GTF3C1: variants seen among roughly 807,000 people sequenced by gnomAD.
GTF3C1 encodes the protein general transcription factor IIIC subunit 1.
GTF3C1 carries 57 observed loss-of-function variants against 226.7 expected under a neutral mutation model. That is an observed-to-expected ratio of 0.25 (90% CI 0.20 to 0.31). The LOEUF is 0.31. GTF3C1 is among the 10% of genes least tolerant of loss of function. GTF3C1 has a pLI of 1.00. For missense variants in GTF3C1, 2,217 were observed against 2,776.1 expected (o/e 0.80, Z 4.53); for synonymous variants, 1,090 against 1,084.8 (o/e 1.00, Z -0.09).
In GTF3C1 at chr16:27,546,486, G is replaced by GAA. The variant is rs11406778; in HGVS notation, c.222-965_222-964dup. Among the ~76,000 whole-genome samples the GAA allele has an allele frequency of 8.3e-3, 930 of 111,856 alleles. 5 individuals are homozygous for GAA. The highest frequency in any genetic ancestry group is 9.0e-3 in the Non-Finnish European group (513 of 57,248). The allele number at this position is 111,856 out of a possible 152,430, so 73.4% of individuals were successfully genotyped here. ...AAGCTTGTCAAGTTTTTTTTTTTTT[G>GAA]AAAAAAAAAAAAAATACATACATAT... On this transcript the variant is annotated intron_variant, in intron 1 of 36. Coordinates refer to ENST00000356183, the MANE Select transcript of GTF3C1 (RefSeq NM_001520.4).
rs1232616911 is a variant in GTF3C1 at position 27,493,265 on chromosome 16, G to A, written c.2810C>T (p.Pro937Leu). 5 of 1,610,474 alleles carry A rather than the reference G, an allele frequency of 3.1e-6. No individual in the cohort carries two copies. The highest frequency in any genetic ancestry group is 1.3e-5 in the African/African-American group (1 of 74,968). ...VDNLEEFLND[P>L]LKKHTLIRFL... ...GCGGATCAGCGTGTGCTTCTTCAGC[G>A]GGTCGTTCAGAAATTCCTCCAGGTT... is the stretch of plus-strand genomic sequence containing the variant. The change falls in exon 17 of 37, where the codon CCG (proline) becomes CTG (leucine). Residue 937 changes from proline to leucine, a missense_variant. Transcript: ENST00000356183.
chr16:27,541,545 A>G (rs1339016879), intron 2 of GTF3C1, among the ~76,000 whole-genome samples: 2 of 152,226 alleles, frequency 1.3e-5, no homozygotes, highest in Non-Finnish European at 2.9e-5. Context: ...AAACAGTGAC[A>G]TAAACAAACA....
intron 26 of GTF3C1, 93 bp from the exon 27 acceptor site, chr16:27,481,284 C>G (rs2088042530): frequency 9.4e-7 from 1 of 1,062,774 alleles, no homozygotes; most frequent in Non-Finnish European, 1.4e-6. Flanking sequence ...TAACAAACTC[C>G]TGCACCAGCT....
At chr16:27,519,228 G>A (rs2088708317) in intron 6 of GTF3C1, among the ~76,000 whole-genome samples, 1 of 152,182 alleles carries the variant, frequency 6.6e-6, no homozygotes, top group South Asian at 2.1e-4. Flanking sequence ...GGAAAAGAAG[G>A]GGCCTACTGG....
intron 33 of GTF3C1, 101 bp from the exon 34 acceptor site, chr16:27,464,937 G>T: frequency 2.9e-6 from 3 of 1,034,284 alleles, no homozygotes; most frequent in Non-Finnish European, 4.1e-6. Context: ...GGCGGGTTGA[G>T]TGCCCTGAGC....
chr16:27,501,123 A>C, intron 12 of GTF3C1, 68 bp downstream of exon 12: 1 of 1,311,300 alleles, frequency 7.6e-7, no homozygotes, highest in Non-Finnish European at 1.1e-6. Context: ...AGCAATGACA[A>C]GAGAAGCTAG....
At chr16:27,515,196 G>A (rs1231463583) in intron 6 of GTF3C1, among the ~76,000 whole-genome samples, 4 of 152,170 alleles carry the variant, frequency 2.6e-5, no homozygotes, top group Non-Finnish European at 4.4e-5. Context: ...TGTAATCCCA[G>A]CACTTTGGGA....
chr16:27,537,997 G>T, intron 3 of GTF3C1, 70 bp from the exon 4 acceptor site: 1 of 1,509,928 alleles, frequency 6.6e-7, no homozygotes, highest in Non-Finnish European at 9.0e-7. Context: ...TCTCTCACTT[G>T]GACATAAACA....
At chr16:27,499,766 C>A (rs1354373014) in intron 12 of GTF3C1, among the ~76,000 whole-genome samples, 1 of 152,230 alleles carries the variant, frequency 6.6e-6, no homozygotes, top group African/African-American at 2.4e-5. Flanking sequence ...CATTGCCCCA[C>A]TTTCCGGGCA....
intron 6 of GTF3C1, among the ~76,000 whole-genome samples, chr16:27,521,497 A>G (rs1336517921): frequency 6.6e-6 from 1 of 152,246 alleles, no homozygotes; most frequent in Non-Finnish European, 1.5e-5. Flanking sequence ...TGCTGTCTGC[A>G]GGACTGAGTG....
intron 24 of GTF3C1, among the ~76,000 whole-genome samples, chr16:27,485,107 G>A (rs1226038724): frequency 1.3e-5 from 2 of 152,250 alleles, no homozygotes; most frequent in African/African-American, 4.8e-5. Flanking sequence ...TTGGAAAAGA[G>A]GTTGGGATGG....
rs532993355 is a variant in GTF3C1 at position 27,548,263 on chromosome 16, G to A, written c.221+1407C>T. ...AAATCCAACCTTTAAGTTTTGTCTC[G>A]AACATTATTTTATTTTATTTTTGAG... is the stretch of plus-strand genomic sequence containing the variant. On this transcript the variant is annotated intron_variant, in intron 1 of 36. Coordinates refer to ENST00000356183, the MANE Select transcript of GTF3C1 (RefSeq NM_001520.4). Among the ~76,000 whole-genome samples, 4 of 151,798 alleles carry A rather than the reference G, an allele frequency of 2.6e-5. No homozygotes were observed. In the East Asian group the frequency reaches 7.8e-4, roughly 29 times the overall value.
In GTF3C1 at chr16:27,463,481, T is replaced by G. The variant is rs753218568; in HGVS notation, c.5924+60A>C. ...CCTCAAAGACCCTCACACAAATCCT[T>G]ACACTCGGTCCCTGTCAAGAGCCCC... On this transcript the variant is annotated intron_variant, in intron 35 of 36. Coordinates refer to ENST00000356183, the MANE Select transcript of GTF3C1 (RefSeq NM_001520.4). The surrounding 1 kb of genome is among the most constrained non-coding windows in gnomAD (Gnocchi z 4.9). 19 of 935,058 alleles carry G rather than the reference T, an allele frequency of 2.0e-5. No individual in the cohort carries two copies. The highest frequency in any genetic ancestry group is 3.3e-5 in the African/African-American group (2 of 61,116). The allele number at this position is 935,058 out of a possible 1,614,324, so 57.9% of individuals were successfully genotyped here. A position where few individuals can be genotyped will look rare whatever the true frequency, so the allele number is the denominator to read the frequency against.
chr16:27,493,280 T>C lies in GTF3C1; in HGVS notation c.2795A>G (p.Glu932Gly). Residue 932 changes from glutamate to glycine, a missense_variant, in exon 17 of 37, where the codon GAA becomes GGA. Glu to Gly is a moderately conservative substitution (Grantham distance 98). Around this residue, in one of 12 missense-constraint regions of GTF3C1, gnomAD observed 353 missense variants for 411.7 expected, o/e 0.86. Transcript: ENST00000356183. ...QVSYKVDNLE[E>G]FLNDPLKKHT... is the part of the protein sequence containing the mutation. ...CTTCTTCAGCGGGTCGTTCAGAAATTCCTCCAGGTTGTCCACCTGAAGAGG... is the reference window on the plus strand; with the variant it reads ...CTTCTTCAGCGGGTCGTTCAGAAATCCCTCCAGGTTGTCCACCTGAAGAGG... 6.2e-7 allele frequency: 1 copy of C among 1,602,780 alleles called. No homozygotes were observed. Among genetic ancestry groups the C allele is most frequent in the South Asian group, 1.1e-5 (1 of 90,870 alleles).
intron 16 of GTF3C1, among the ~76,000 whole-genome samples, chr16:27,493,601 A>C (rs1054443693): frequency 6.6e-6 from 1 of 152,228 alleles, no homozygotes; most frequent in African/African-American, 2.4e-5. Flanking sequence ...ATTTTAAACA[A>C]GAAAAGATGA....
Position 27,463,799 on chromosome 16 carries a change from G to A in GTF3C1, c.5873-207C>T. On this transcript the variant is annotated intron_variant, in intron 34 of 36. Transcript: ENST00000356183. The surrounding 1 kb of genome is among the most constrained non-coding windows in gnomAD (Gnocchi z 4.9). ...CAGACTGCCGCACACAGCGCCACAT[G>A]CAAGCAGCGTCCCAGGCCCGGACAA... 1 of 590,402 alleles carries A rather than the reference G, an allele frequency of 1.7e-6. No homozygotes were observed. The highest frequency in any genetic ancestry group is 3.0e-6 in the Non-Finnish European group (1 of 334,900). 36.6% of individuals were successfully genotyped at this position (590,402 alleles called of 1,614,324 possible). A position where few individuals can be genotyped will look rare whatever the true frequency, so the allele number is the denominator to read the frequency against.
intron 6 of GTF3C1, 74 bp from the exon 7 acceptor site, chr16:27,511,975 A>T: frequency 6.6e-7 from 1 of 1,505,910 alleles, no homozygotes; most frequent in Non-Finnish European, 9.1e-7. Context: ...GGGTTCTGAA[A>T]TATCACAGCA....
rs2087703047 is a variant in GTF3C1 at position 27,461,442 on chromosome 16, T to C, written c.6238A>G (p.Met2080Val). Reference sequence around the variant, plus strand: ...TCCAAGGTGGGCTCATAGAAAGCCATGGGGCTCTCGTCCAGGCTGGAGGGC... The same window carrying C: ...TCCAAGGTGGGCTCATAGAAAGCCACGGGGCTCTCGTCCAGGCTGGAGGGC... ...EVPSSLDESP[M>V]AFYEPTLDCT... is the part of the protein sequence containing the mutation. The change falls in exon 37 of 37, where the codon ATG (methionine) becomes GTG (valine). Residue 2080 changes from methionine (M) to valine (V), a missense_variant. By Grantham distance (21) the Met-to-Val change is conservative. Transcript: ENST00000356183. This position sits in a 1 kb window ranked among gnomAD's most constrained non-coding sequence, Gnocchi z 5.3. 3.7e-6 allele frequency: 6 copies of C among 1,613,796 alleles called. No homozygotes were observed. Among genetic ancestry groups the C allele is most frequent in the Non-Finnish European group, 5.1e-6 (6 of 1,179,790 alleles).
At chr16:27,474,450 C>CA (rs1212810169) in intron 29 of GTF3C1, among the ~76,000 whole-genome samples, 1 of 152,062 alleles carries the variant, frequency 6.6e-6, no homozygotes, top group Non-Finnish European at 1.5e-5. Flanking sequence ...AGGTGGGGTA[C>CA]AGTGGGAAGG....
Sources: allele counts gnomAD v4.1 joint callset (sites outside exome capture counted in the v4.1 genomes callset), GRCh38; gene constraint gnomAD v4.1.1; regional missense constraint gnomAD v4.1.1; non-coding constraint Gnocchi (gnomAD v3.1); transcripts MANE v1.5; gene names NCBI Gene and HGNC (gene_info 2026-07-23, HGNC 2026-07-21).